The following TENM3 variants were observed in gnomAD, a reference collection of about 807,000 sequenced individuals.
The protein encoded by TENM3 is teneurin transmembrane protein 3, also known as teneurin-3.
Under a neutral mutation model 255.1 loss-of-function variants are expected in TENM3, and 63 were observed. The observed-to-expected ratio is 0.25, with a 90% CI of 0.20 to 0.30. The LOEUF is 0.30. Ranked by LOEUF, TENM3 falls within the 10% of genes least tolerant of loss-of-function variation. The probability of loss-of-function intolerance (pLI) is 1.00; values close to 1 mark genes in which losing one functional copy is unlikely to be tolerated. For synonymous variants in TENM3, 1,306 were observed against 1,322.3 expected, an observed-to-expected ratio of 0.99 and a Z score of 0.27; for missense variants, 2,929 against 3,461.1, an observed-to-expected ratio of 0.85 and a Z score of 3.86.
the TENM3 span, among the ~76,000 whole-genome samples, chr4:181,920,926 G>T: frequency 6.6e-6 from 1 of 152,168 alleles, no homozygotes; most frequent in African/African-American, 2.4e-5. Context: ...TGTAAGGAAG[G>T]GATCCAGGTT....
chr4:182,323,845 A>G, intron 1 of TENM3, 101 bp from the exon 2 acceptor site: 1 of 601,002 alleles, frequency 1.7e-6, no homozygotes, highest in East Asian at 2.8e-5. Context: ...CTAGATAAGC[A>G]ATACTATTGT....
At chr4:182,413,416 A>C (rs994395286) in intron 3 of TENM3, among the ~76,000 whole-genome samples, 14 of 152,180 alleles carry the variant, frequency 9.2e-5, no homozygotes, top group African/African-American at 3.4e-4. Flanking sequence ...CAGGAGTCTG[A>C]GAACAGCCTG....
chr4:182,413,892 C>T (rs567453311), intron 3 of TENM3, among the ~76,000 whole-genome samples: 168 of 152,268 alleles, frequency 1.1e-3, no homozygotes, highest in African/African-American at 3.9e-3. Flanking sequence ...CTAGTGAGAA[C>T]ACAGTCTTGT....
the TENM3 span, among the ~76,000 whole-genome samples, chr4:182,092,680 T>C: frequency 6.6e-6 from 1 of 152,124 alleles, no homozygotes; most frequent in Admixed American, 6.6e-5. Flanking sequence ...TATAAATAAA[T>C]AAAAGAATAA....
At chr4:182,415,741 G>T (rs573407193) in intron 3 of TENM3, among the ~76,000 whole-genome samples, 71 of 152,192 alleles carry the variant, frequency 4.7e-4, no homozygotes, top group Admixed American at 1.2e-3. Flanking sequence ...ACATCAAGAT[G>T]AAATAAATTA....
the TENM3 span, among the ~76,000 whole-genome samples, chr4:182,106,514 A>T: frequency 1.3e-5 from 2 of 152,304 alleles, no homozygotes; most frequent in African/African-American, 4.8e-5. Context: ...AAGGTCAGTC[A>T]GACTTCTGTC....
At chr4:181,748,994 T>C in the TENM3 span, among the ~76,000 whole-genome samples, 3 of 152,138 alleles carry the variant, frequency 2.0e-5, no homozygotes, top group African/African-American at 7.2e-5. Flanking sequence ...ACATTTATTA[T>C]AATGGTATAA....
the TENM3 span, among the ~76,000 whole-genome samples, chr4:181,586,312 A>C: frequency 1.3e-5 from 2 of 152,194 alleles, no homozygotes; most frequent in Non-Finnish European, 2.9e-5. Flanking sequence ...GACCTGAGGA[A>C]ATCCCCAGAC....
the TENM3 span, among the ~76,000 whole-genome samples, chr4:181,624,225 T>G: frequency 6.6e-6 from 1 of 152,186 alleles, no homozygotes; most frequent in African/African-American, 2.4e-5. Flanking sequence ...GTTTGACTTG[T>G]CCTCGCTCCA....
At chr4:181,461,176 T>C in the TENM3 span, among the ~76,000 whole-genome samples, 2 of 152,064 alleles carry the variant, frequency 1.3e-5, no homozygotes, top group Non-Finnish European at 2.9e-5. Context: ...TTATCTTTTT[T>C]TTTCTGGGAT....
chr4:181,919,090 C>A, the TENM3 span, among the ~76,000 whole-genome samples: 7 of 152,088 alleles, frequency 4.6e-5, no homozygotes, highest in Non-Finnish European at 8.8e-5. Flanking sequence ...TGACCCAGTG[C>A]GAGAGGATAA....
At chr4:182,186,235 T>C (rs1753142170) in intron 1 of TENM3, among the ~76,000 whole-genome samples, 1 of 152,196 alleles carries the variant, frequency 6.6e-6, no homozygotes, top group African/African-American at 2.4e-5. Context: ...AGATGAAACA[T>C]ACTCATATTA....
intron 3 of TENM3, among the ~76,000 whole-genome samples, chr4:182,521,576 TG>T (rs151055794): frequency 0.077 from 11,646 of 152,112 alleles, 496 homozygotes; most frequent in East Asian, 0.11. Flanking sequence ...GGGTAGCAAA[TG>T]GGGGGGTCGC....
At chr4:182,274,640 A>C (rs1759871125) in intron 1 of TENM3, among the ~76,000 whole-genome samples, 1 of 152,092 alleles carries the variant, frequency 6.6e-6, no homozygotes, top group Admixed American at 6.5e-5. Flanking sequence ...CTGAAATGTA[A>C]ATAAGTGCAG....
At chr4:182,155,854 A>G (rs887244352) in intron 1 of TENM3, among the ~76,000 whole-genome samples, 1 of 152,154 alleles carries the variant, frequency 6.6e-6, no homozygotes. Flanking sequence ...ATGTGTTTCA[A>G]TTTAGAGTTT....
chr4:181,551,807 AATATATATATAT>A, the TENM3 span, among the ~76,000 whole-genome samples: 6,453 of 140,930 alleles, frequency 0.046, 220 homozygotes, highest in Non-Finnish European at 0.064. Flanking sequence ...GGCAGTTAAT[AATATATATATAT>A]ATATATATAT....
intron 13 of TENM3, among the ~76,000 whole-genome samples, chr4:182,722,730 T>C (rs991131599): frequency 7.9e-5 from 12 of 152,170 alleles, no homozygotes; most frequent in Non-Finnish European, 1.8e-4. Context: ...CTGGCTAACA[T>C]GTAGAGAATG....
the TENM3 span, among the ~76,000 whole-genome samples, chr4:181,730,123 G>A: frequency 1.3e-5 from 2 of 152,102 alleles, no homozygotes; most frequent in Admixed American, 6.6e-5. Context: ...AGCAGGTTTC[G>A]GGGGAAAGCT....
At chr4:182,249,212 C>T (rs1463637433) in intron 1 of TENM3, among the ~76,000 whole-genome samples, 3 of 152,126 alleles carry the variant, frequency 2.0e-5, no homozygotes, top group Non-Finnish European at 4.4e-5. Flanking sequence ...TTACCTGGGT[C>T]GCGCAGCCAG....
Sources: gnomAD v4.1 joint callset for allele counts (sites outside exome capture counted in the v4.1 genomes callset) on GRCh38, gnomAD v4.1.1 for gene constraint, MANE v1.5 for transcripts, NCBI Gene and HGNC (gene_info 2026-07-23, HGNC 2026-07-21) for gene names.